The following NEGR1 variants were observed in gnomAD, a reference collection of about 807,000 sequenced individuals.
The protein encoded by NEGR1 is IgLON family member 4.
NEGR1 carries 10 observed loss-of-function variants against 40.9 expected under a neutral mutation model. The observed-to-expected ratio is 0.24, with a 90% confidence interval of 0.15 to 0.42. The LOEUF (loss-of-function observed/expected upper bound fraction) is 0.42. Ranked by LOEUF, NEGR1 falls within the 10% of genes least tolerant of loss-of-function variation. The pLI is 1.00. For synonymous variants in NEGR1, 185 were observed against 166.8 expected, an observed-to-expected ratio of 1.11 and a Z score of -0.84; for missense variants, 352 against 438.9, an observed-to-expected ratio of 0.80 and a Z score of 1.77.
Position 72,083,674 on chromosome 1 carries a change from C to T in NEGR1, c.177-148363G>A, listed in dbSNP as rs79136523. 4.2e-3 allele frequency among the ~76,000 whole-genome samples: 642 copies of T among 152,150 alleles called. 4 individuals carry two copies. The highest frequency in any genetic ancestry group is 0.015 in the African/African-American group (614 of 41,488). ...GCCTCCCAGCAAAAACATTCCCTCC[C>T]ATTTCATTAGCATTATTTTGGAGGG... On this transcript the variant is annotated intron_variant, in intron 1 of 6. Transcript: ENST00000357731.
chr1:72,107,023 G>T (rs1649160252), intron 1 of NEGR1, among the ~76,000 whole-genome samples: 1 of 151,716 alleles, frequency 6.6e-6, no homozygotes, highest in Admixed American at 6.6e-5. Flanking sequence ...CAATTTTTCA[G>T]ATGAGAAAAT....
chr1:71,661,546 T>C (rs894590398), intron 4 of NEGR1, among the ~76,000 whole-genome samples: 5 of 152,220 alleles, frequency 3.3e-5, no homozygotes, highest in African/African-American at 1.2e-4. Flanking sequence ...TTACTGGCTT[T>C]CTACCATATG....
In NEGR1 at chr1:71,698,051, A is replaced by G. The variant is rs778919318; in HGVS notation, c.624T>C (p.Asp208=). ...CTTTCCTCACATCTGGGAATGACAC[A>G]TCATTTTCCGCACTGCATTCATATT... The part of the protein sequence containing the change: ...AGEYECSAEN[D]VSFPDVRKVK... The change falls in exon 4 of 7, where the codon GAT becomes GAC. Residue 208 remains aspartate, a synonymous_variant. Coordinates refer to ENST00000357731, the MANE Select transcript of NEGR1 (RefSeq NM_173808.3). 3.7e-6 allele frequency: 6 copies of G among 1,611,440 alleles called. No homozygotes were observed. Among genetic ancestry groups the G allele is most frequent in the Non-Finnish European group, 3.4e-6 (4 of 1,178,228 alleles).
intron 6 of NEGR1, among the ~76,000 whole-genome samples, chr1:71,504,417 T>C (rs1364654831): frequency 6.6e-6 from 1 of 151,936 alleles, no homozygotes; most frequent in African/African-American, 2.4e-5. Context: ...GAATGACAGA[T>C]TTCAACACAG....
intron 2 of NEGR1, among the ~76,000 whole-genome samples, chr1:71,782,019 C>G (rs909361380): frequency 1.3e-5 from 2 of 152,080 alleles, no homozygotes; most frequent in Non-Finnish European, 2.9e-5. Context: ...AAAATTGTAT[C>G]ACTGATGACT....
At chr1:71,528,083 T>G (rs1323728680) in intron 6 of NEGR1, among the ~76,000 whole-genome samples, 1 of 151,380 alleles carries the variant, frequency 6.6e-6, no homozygotes, top group African/African-American at 2.4e-5. Context: ...TGAAATCATC[T>G]GGCATACATG....
At chr1:71,563,866 C>A (rs1185537284) in intron 6 of NEGR1, among the ~76,000 whole-genome samples, 1 of 151,364 alleles carries the variant, frequency 6.6e-6, no homozygotes, top group Non-Finnish European at 1.5e-5. Flanking sequence ...CAGGTTGACA[C>A]AATTTGACTT....
At chr1:71,520,365 C>T (rs947346037) in intron 6 of NEGR1, among the ~76,000 whole-genome samples, 4 of 152,032 alleles carry the variant, frequency 2.6e-5, no homozygotes, top group African/African-American at 4.8e-5. Flanking sequence ...AACGTTGCTC[C>T]GTAAGCGTGG....
chr1:71,508,041 T>C (rs567981809), intron 6 of NEGR1, among the ~76,000 whole-genome samples: 91 of 152,302 alleles, frequency 6.0e-4, no homozygotes, highest in Non-Finnish European at 9.8e-4. Flanking sequence ...CTCCCTACTA[T>C]GGAAACCAAG....
At chr1:72,211,179 C>A (rs532988203) in intron 1 of NEGR1, among the ~76,000 whole-genome samples, 13 of 151,760 alleles carry the variant, frequency 8.6e-5, no homozygotes, top group African/African-American at 2.9e-4. Context: ...TGCTTTCTCT[C>A]TTCCTTCCAA....
chr1:71,703,040 A>C (rs1328601480), intron 3 of NEGR1: 1 of 152,172 alleles, frequency 6.6e-6, no homozygotes, highest in Admixed American at 6.6e-5. Flanking sequence ...GCTGAGTACA[A>C]GGCTGTACTT....
intron 1 of NEGR1, among the ~76,000 whole-genome samples, chr1:72,195,465 G>T (rs1286686477): frequency 6.6e-6 from 1 of 151,700 alleles, no homozygotes; most frequent in African/African-American, 2.4e-5. Flanking sequence ...TAATAATTCA[G>T]ATTTTTTTCT....
intron 1 of NEGR1, among the ~76,000 whole-genome samples, chr1:72,275,808 T>C (rs570887996): frequency 1.3e-5 from 2 of 152,248 alleles, no homozygotes; most frequent in African/African-American, 4.8e-5. Flanking sequence ...TCATCTGATA[T>C]ACAGTTAAGA....
At chr1:72,122,238 C>G (rs1649830699) in intron 1 of NEGR1, among the ~76,000 whole-genome samples, 1 of 152,000 alleles carries the variant, frequency 6.6e-6, no homozygotes, top group Non-Finnish European at 1.5e-5. Context: ...CAGCTCTCAA[C>G]AAGCTGTTCT....
chr1:71,751,066 T>A (rs548829542), intron 3 of NEGR1, among the ~76,000 whole-genome samples: 33 of 152,110 alleles, frequency 2.2e-4, no homozygotes, highest in Admixed American at 5.2e-4. Context: ...TTGGTATGAA[T>A]CTATCATTCT....
rs1659701150 is a variant in NEGR1, at chr1:71,854,467, T to A, written c.410-78170A>T. ...AGCACCTGATATTTAGAAGATATTT[T>A]TTAAAAAAACAGATTGAACTCAATA... On this transcript the variant is annotated intron_variant, in intron 2 of 6. Transcript: ENST00000357731. 2.6e-5 allele frequency among the ~76,000 whole-genome samples: 4 copies of A among 152,204 alleles called. No homozygotes were observed. The South Asian group carries it at 8.3e-4, about 32-fold the overall frequency.
chr1:71,479,474 A>G (rs1401482872), intron 6 of NEGR1, among the ~76,000 whole-genome samples: 4 of 152,000 alleles, frequency 2.6e-5, no homozygotes, highest in Admixed American at 6.6e-5. Context: ...AGTCATTATA[A>G]AAGTATGTCC....
At chr1:71,641,908 T>C (rs1394827262) in intron 4 of NEGR1, among the ~76,000 whole-genome samples, 1 of 151,990 alleles carries the variant, frequency 6.6e-6, no homozygotes, top group Non-Finnish European at 1.5e-5. Context: ...ATTTACTCAT[T>C]TGGTCTTCTC....
chr1:72,224,190 T>C (rs1654101733), intron 1 of NEGR1, among the ~76,000 whole-genome samples: 1 of 130,520 alleles, frequency 7.7e-6, no homozygotes, highest in Non-Finnish European at 1.9e-5. Context: ...ATGTATGACA[T>C]TCAACATTTA....
Sources: allele counts gnomAD v4.1 joint callset (sites outside exome capture counted in the v4.1 genomes callset), GRCh38; gene constraint gnomAD v4.1.1; transcripts MANE v1.5; gene names NCBI Gene and HGNC (gene_info 2026-07-23, HGNC 2026-07-21).